Variants in ANKFY1 observed in about 807,000 individuals in gnomAD.
The protein encoded by ANKFY1 is ankyrin repeat and FYVE domain-containing protein 1.
ANKFY1 carries 47 observed loss-of-function variants against 128.3 expected under a neutral mutation model. That is an observed-to-expected ratio of 0.37 (90% confidence interval 0.29 to 0.47). The LOEUF is 0.47. Ranked by LOEUF, ANKFY1 falls within the 20% of genes least tolerant of loss-of-function variation. The probability of loss-of-function intolerance (pLI) is 1.00; values close to 1 mark genes in which losing one functional copy is unlikely to be tolerated. For synonymous variants in ANKFY1, 553 were observed against 601.6 expected, an observed-to-expected ratio of 0.92 and a Z score of 1.18; for missense variants, 1,222 against 1,510.6, an observed-to-expected ratio of 0.81 and a Z score of 3.17.
intron 1 of ANKFY1, among the ~76,000 whole-genome samples, chr17:4,254,081 A>G (rs901209038): frequency 5.3e-5 from 8 of 152,138 alleles, no homozygotes; most frequent in African/African-American, 1.9e-4. Context: ...CAAGGTAGGC[A>G]GATCACGAGG....
intron 4 of ANKFY1, among the ~76,000 whole-genome samples, chr17:4,215,305 A>AT (rs2060202911): frequency 6.6e-6 from 1 of 151,156 alleles, no homozygotes; most frequent in South Asian, 2.1e-4. Context: ...AAAAAAAAAA[A>AT]TTAAGAGTAT....
rs1023067918 is a variant in ANKFY1, at chr17:4,178,848, T to C, written c.2598+9A>G. ...ACCATGTGGAGAAGGTCAGGTGTTA[T>C]TCACTCACCTGCTCAGCAGCCCCGG... On this transcript the variant is annotated intron_variant, in intron 18 of 24. Transcript: ENST00000341657. The surrounding 1 kb of genome is among the most constrained non-coding windows in gnomAD (Gnocchi z 4.1). The C allele has an allele frequency of 3.7e-6, 6 of 1,613,552 alleles. No homozygotes were observed. In the East Asian group the frequency reaches 8.9e-5, roughly 24 times the overall value.
rs988955476 is a variant in ANKFY1, at chr17:4,181,688, C to T, written c.2122-316G>A. On this transcript the variant is annotated intron_variant, in intron 15 of 24. Coordinates refer to ENST00000341657, the MANE Select transcript of ANKFY1 (RefSeq NM_001330063.2). This position sits in a 1 kb window ranked among gnomAD's most constrained non-coding sequence, Gnocchi z 4.9. ...AAGTGTCTGTGTACACATGCACCAA[C>T]GGGTCCTCAGTAACACACACCTGCA... 6.6e-6 allele frequency among the ~76,000 whole-genome samples: 1 copy of T among 152,168 alleles called. No individual in the cohort carries two copies. Among genetic ancestry groups the T allele is most frequent in the African/African-American group, 2.4e-5 (1 of 41,426 alleles).
At chr17:4,241,364 C>T (rs1364335238) in intron 2 of ANKFY1, among the ~76,000 whole-genome samples, 1 of 149,694 alleles carries the variant, frequency 6.7e-6, no homozygotes, top group Non-Finnish European at 1.5e-5. Context: ...ACTGCAAGCT[C>T]CATCTCCCGG....
intron 6 of ANKFY1, among the ~76,000 whole-genome samples, chr17:4,207,131 C>T (rs1251015654): frequency 6.6e-6 from 1 of 151,638 alleles, no homozygotes; most frequent in Non-Finnish European, 1.5e-5. Flanking sequence ...GAGGGCCCGA[C>T]CCATCTAACC....
At chr17:4,218,131 G>A (rs1298504237) in intron 3 of ANKFY1, among the ~76,000 whole-genome samples, 2 of 152,296 alleles carry the variant, frequency 1.3e-5, no homozygotes, top group African/African-American at 4.8e-5. Context: ...AATACAAACT[G>A]AAATCAGAGT....
At position 4,234,017 on chromosome 17, in the gene ANKFY1, T is replaced by C. The variant is rs187517433; in HGVS notation, c.322+1755A>G. Among the ~76,000 whole-genome samples the C allele has an allele frequency of 2.8e-3, 426 of 152,362 alleles. 1 individual carries two copies. Among genetic ancestry groups the C allele is most frequent in the Non-Finnish European group, 3.4e-3 (228 of 68,044 alleles). On this transcript the variant is annotated intron_variant, in intron 3 of 24. Coordinates refer to ENST00000341657, the MANE Select transcript of ANKFY1 (RefSeq NM_001330063.2). ...ATAATATTGTACTTTTACTGAACTT[T>C]TCTATGTTTAGATATACAGATACTT...
intron 22 of ANKFY1, among the ~76,000 whole-genome samples, chr17:4,171,169 A>G (rs1467127483): frequency 6.6e-6 from 1 of 152,232 alleles, no homozygotes; most frequent in Non-Finnish European, 1.5e-5. Flanking sequence ...GAGGGATTCA[A>G]CACAGAGGGA....
At chr17:4,173,773 C>G (rs1315609008) in intron 20 of ANKFY1, 136 bp downstream of exon 20, 3 of 1,234,892 alleles carry the variant, frequency 2.4e-6, no homozygotes, top group Non-Finnish European at 3.4e-6. Flanking sequence ...GATGCTCTAC[C>G]CAGAGCACTT....
At chr17:4,222,301 C>T in intron 3 of ANKFY1, 1 of 688,862 alleles carries the variant, frequency 1.5e-6, no homozygotes. Flanking sequence ...TGAGGTGCAC[C>T]GGCTGATCGG....
rs1210176724 is a variant in ANKFY1 at position 4,210,352 on chromosome 17, AAC to A, written c.459-407_459-406del. Among the ~76,000 whole-genome samples the A allele has an allele frequency of 2.6e-5, 4 of 152,218 alleles. No individual in the cohort carries two copies. In the South Asian group the frequency reaches 8.3e-4, roughly 32 times the overall value. On this transcript the variant is annotated intron_variant, in intron 4 of 24. Coordinates refer to ENST00000341657, the MANE Select transcript of ANKFY1 (RefSeq NM_001330063.2). ...TTAGTTCCCACAACTGCATGATGCA[AAC>A]AGTGTGTCTTAGAAATAGTTTCAAA...
Position 4,174,649 on chromosome 17 carries a change from G to T in ANKFY1, c.2776-593C>A, listed in dbSNP as rs576024633. On this transcript the variant is annotated intron_variant, in intron 19 of 24. Transcript: ENST00000341657. ...ACTCCGAAGAGCTGGGACTCAAAGA[G>T]AGACACTATCTGTTTCACATCCTTA... is the stretch of plus-strand genomic sequence containing the variant. 5.3e-5 allele frequency among the ~76,000 whole-genome samples: 8 copies of T among 152,230 alleles called. No individual in the cohort carries two copies. In the South Asian group the frequency reaches 1.7e-3, roughly 32 times the overall value.
chr17:4,188,906 G>A (rs936729360), intron 11 of ANKFY1: 2 of 152,462 alleles, frequency 1.3e-5, no homozygotes, highest in African/African-American at 2.4e-5. Context: ...TGCATAGGGA[G>A]GAAATGGGAA....
intron 4 of ANKFY1, chr17:4,216,679 G>T: frequency 1.1e-5 from 4 of 380,078 alleles, no homozygotes; most frequent in South Asian, 9.4e-5. Flanking sequence ...AACAGAAAGG[G>T]AAGGAAAGCT....
At chr17:4,211,182 T>C (rs1429297956) in intron 4 of ANKFY1, among the ~76,000 whole-genome samples, 1 of 151,854 alleles carries the variant, frequency 6.6e-6, no homozygotes, top group Non-Finnish European at 1.5e-5. Flanking sequence ...GGCGGGCAGA[T>C]TGCCTGAGCT....
At chr17:4,255,414 A>T (rs1968065380) in intron 1 of ANKFY1, among the ~76,000 whole-genome samples, 1 of 151,594 alleles carries the variant, frequency 6.6e-6, no homozygotes, top group Non-Finnish European at 1.5e-5. Context: ...TGCCCAGCTA[A>T]TTTTTTTGTA....
At chr17:4,222,969 T>G (rs2060353120) in intron 3 of ANKFY1, 1 of 1,196,786 alleles carries the variant, frequency 8.4e-7, no homozygotes, top group Non-Finnish European at 1.2e-6. Context: ...TGTCACTCTT[T>G]TGGAGGCCAA....
chr17:4,217,966 G>T (rs886687635), intron 3 of ANKFY1, among the ~76,000 whole-genome samples: 3 of 152,170 alleles, frequency 2.0e-5, no homozygotes, highest in Non-Finnish European at 4.4e-5. Flanking sequence ...TTACAGGCGT[G>T]AGCCGCTTCA....
At chr17:4,209,447 C>T (rs575909928) in intron 5 of ANKFY1, among the ~76,000 whole-genome samples, 3 of 152,290 alleles carry the variant, frequency 2.0e-5, no homozygotes, top group Admixed American at 1.3e-4. Flanking sequence ...ACTACAGGCA[C>T]GCACCACTGA....
Sources: allele counts gnomAD v4.1 joint callset (sites outside exome capture counted in the v4.1 genomes callset), GRCh38; gene constraint gnomAD v4.1.1; non-coding constraint Gnocchi (gnomAD v3.1); transcripts MANE v1.5; gene names NCBI Gene and HGNC (gene_info 2026-07-23, HGNC 2026-07-21).